Variants in TMTC2 observed in about 807,000 individuals in gnomAD.
TMTC2 encodes protein O-mannosyl-transferase TMTC2.
A neutral mutation model predicts 82.4 loss-of-function variants in TMTC2; 43 were observed. The ratio of observed to expected loss-of-function variants is 0.52; its 90% CI spans 0.41 to 0.67. The LOEUF (loss-of-function observed/expected upper bound fraction) is 0.67. TMTC2 is among the 30% of genes least tolerant of loss of function. The probability of loss-of-function intolerance (pLI) is 0.00; values close to 1 mark genes in which losing one functional copy is unlikely to be tolerated. For synonymous variants in TMTC2, 408 were observed against 381.9 expected, an observed-to-expected ratio of 1.07 and a Z score of -0.80; for missense variants, 919 against 1,012.4, an observed-to-expected ratio of 0.91 and a Z score of 1.25.
chr12:82,733,758 G>C (rs2136943940), intron 1 of TMTC2, among the ~76,000 whole-genome samples: 1 of 152,268 alleles, frequency 6.6e-6, no homozygotes, highest in Non-Finnish European at 1.5e-5. Flanking sequence ...CTTTGTGGAG[G>C]ATATAATGCT....
Position 83,132,333 on chromosome 12 carries a change from C to T in TMTC2, c.2455C>T (p.Leu819Phe). Residue 819 changes from leucine to phenylalanine, a missense_variant, in exon 12 of 12, where the codon CTC becomes TTC. Coordinates refer to ENST00000321196, the MANE Select transcript of TMTC2 (RefSeq NM_152588.3). The stretch of plus-strand genomic sequence containing the variant: ...AGACGATGTCATCACACAGTCCAAT[C>T]TCCGCAAACTGTGGAACATCATGGA... ...KPDDVITQSN[L>F]RKLWNIMEKQ... 6.2e-7 allele frequency: 1 copy of T among 1,614,086 alleles called. No individual in the cohort carries two copies. The highest frequency in any genetic ancestry group is 1.7e-5 in the Admixed American group (1 of 60,006).
At chr12:83,076,608 T>C (rs1435381513) in intron 11 of TMTC2, among the ~76,000 whole-genome samples, 1 of 152,252 alleles carries the variant, frequency 6.6e-6, no homozygotes, top group Admixed American at 6.5e-5. Context: ...TTCAGAGGGC[T>C]ATGCCCTTCC....
chr12:82,872,918 A>G lies in TMTC2; in HGVS notation c.654+15338A>G, dbSNP rs567400640. ...CCCTGCATTAAATAACACTCCCAAC[A>G]TGGCAACACTTCACAATAAGAAAGA... On this transcript the variant is annotated intron_variant, in intron 2 of 11. Coordinates refer to ENST00000321196, the MANE Select transcript of TMTC2 (RefSeq NM_152588.3). 6.2e-4 allele frequency among the ~76,000 whole-genome samples: 95 copies of G among 152,314 alleles called. 2 individuals are homozygous for G. Among genetic ancestry groups the G allele is most frequent in the Middle Eastern group, 6.8e-3 (2 of 294 alleles).
intron 8 of TMTC2, among the ~76,000 whole-genome samples, chr12:83,028,149 AT>A (rs1398226004): frequency 2.0e-5 from 3 of 152,230 alleles, no homozygotes; most frequent in African/African-American, 7.2e-5. Context: ...ATTATTTGTC[AT>A]TTATAACTGC....
chr12:82,809,280 C>T (rs1879383113), intron 1 of TMTC2, among the ~76,000 whole-genome samples: 2 of 151,778 alleles, frequency 1.3e-5, no homozygotes. Context: ...ATTTTTTTAA[C>T]AGAGAAAAAT....
chr12:83,010,590 A>G (rs1880411072), intron 8 of TMTC2, among the ~76,000 whole-genome samples: 1 of 152,126 alleles, frequency 6.6e-6, no homozygotes, highest in Non-Finnish European at 1.5e-5. Context: ...ATGGCACCCA[A>G]ATAAAGCCTT....
At chr12:83,084,195 AGAAGTAACAACACAT>A (rs1883568284) in intron 11 of TMTC2, among the ~76,000 whole-genome samples, 1 of 152,212 alleles carries the variant, frequency 6.6e-6, no homozygotes, top group Non-Finnish European at 1.5e-5. Flanking sequence ...AGCCCATAGT[AGAAGTAACAACACAT>A]GTAATGGAAT....
At position 82,873,211 on chromosome 12, in the gene TMTC2, T is replaced by TG. The variant is rs1462040212; in HGVS notation, c.654+15632dup. Among the ~76,000 whole-genome samples the TG allele has an allele frequency of 7.7e-3, 852 of 110,838 alleles. 8 individuals carry two copies. The highest frequency in any genetic ancestry group is 0.036 in the African/African-American group (818 of 22,894). 72.7% of individuals were successfully genotyped at this position (110,838 alleles called of 152,430 possible). A position where few individuals can be genotyped will look rare whatever the true frequency, so the allele number is the denominator to read the frequency against. ...AGGGATTTTGGCCCTGTTTCAAAGA[T>TG]GTTGTGTGTGTGTGTGTGTGTGTGT... On this transcript the variant is annotated intron_variant, in intron 2 of 11. Coordinates refer to ENST00000321196, the MANE Select transcript of TMTC2 (RefSeq NM_152588.3).
At chr12:83,044,846 TA>T (rs1882031323) in intron 9 of TMTC2, among the ~76,000 whole-genome samples, 1 of 152,254 alleles carries the variant, frequency 6.6e-6, no homozygotes, top group African/African-American at 2.4e-5. Flanking sequence ...AGTGAATTTT[TA>T]TAATATTTTA....
At chr12:83,071,572 G>C (rs749721481) in intron 11 of TMTC2, among the ~76,000 whole-genome samples, 33 of 152,202 alleles carry the variant, frequency 2.2e-4, no homozygotes, top group South Asian at 6.2e-4. Context: ...AAAAGGATTG[G>C]TACCAATTCT....
chr12:82,895,266 C>G (rs1238202347), intron 2 of TMTC2, among the ~76,000 whole-genome samples: 1 of 152,130 alleles, frequency 6.6e-6, no homozygotes, highest in East Asian at 1.9e-4. Context: ...GGACGGAACT[C>G]TTTAAGACAA....
intron 1 of TMTC2, among the ~76,000 whole-genome samples, chr12:82,840,899 C>A (rs756989721): frequency 2.0e-5 from 3 of 152,146 alleles, no homozygotes; most frequent in Non-Finnish European, 4.4e-5. Context: ...CCTGCCTTAT[C>A]CTCCTGAGTA....
At chr12:82,722,598 C>T (rs920550713) in intron 1 of TMTC2, among the ~76,000 whole-genome samples, 7 of 147,622 alleles carry the variant, frequency 4.7e-5, no homozygotes, top group Non-Finnish European at 9.0e-5. Context: ...AAAAATTAGC[C>T]GGGCATGGTG....
At position 82,789,860 on chromosome 12, in the gene TMTC2, C is replaced by A. The variant is rs559242462; in HGVS notation, c.84-67150C>A. ...TTTCACATCTAACTGGTAAAGTAGG[C>A]AAGACAAGTACTATTAATGTTATCT... On this transcript the variant is annotated intron_variant, in intron 1 of 11. Transcript: ENST00000321196. 2.0e-5 allele frequency among the ~76,000 whole-genome samples: 3 copies of A among 152,176 alleles called. No homozygotes were observed. The East Asian group carries it at 5.8e-4, about 29-fold the overall frequency.
At chr12:82,734,664 C>T (rs1014351186) in intron 1 of TMTC2, among the ~76,000 whole-genome samples, 2 of 152,122 alleles carry the variant, frequency 1.3e-5, no homozygotes, top group Admixed American at 6.5e-5. Flanking sequence ...CTATTGGAAA[C>T]AGAAGACAAG....
chr12:83,103,529 C>G (rs796313431), intron 11 of TMTC2, among the ~76,000 whole-genome samples: 18 of 152,152 alleles, frequency 1.2e-4, no homozygotes, highest in African/African-American at 4.1e-4. Flanking sequence ...ACTTAAACAA[C>G]CAGATGTCAC....
At chr12:82,982,020 T>C (rs1177233634) in intron 7 of TMTC2, among the ~76,000 whole-genome samples, 1 of 151,810 alleles carries the variant, frequency 6.6e-6, no homozygotes, top group Non-Finnish European at 1.5e-5. Context: ...TTTTTTTTTT[T>C]TAAATCTTGA....
At chr12:82,841,730 G>C (rs1248402060) in intron 1 of TMTC2, among the ~76,000 whole-genome samples, 5 of 152,100 alleles carry the variant, frequency 3.3e-5, no homozygotes, top group Non-Finnish European at 7.4e-5. Context: ...TAGCTGAAAA[G>C]GGATGCAGGC....
chr12:82,700,147 C>A (rs917399562), intron 1 of TMTC2, among the ~76,000 whole-genome samples: 1 of 152,034 alleles, frequency 6.6e-6, no homozygotes, highest in South Asian at 2.1e-4. Flanking sequence ...GGTGACTGTA[C>A]GTGCTAATGG....
Sources: gnomAD v4.1 joint callset for allele counts (sites outside exome capture counted in the v4.1 genomes callset) on GRCh38, gnomAD v4.1.1 for gene constraint, MANE v1.5 for transcripts, NCBI Gene and HGNC (gene_info 2026-07-23, HGNC 2026-07-21) for gene names.